The following IL3RA variants were observed in gnomAD, a reference collection of about 807,000 sequenced individuals.
IL3RA encodes interleukin-3 receptor subunit alpha.
IL3RA carries 73 observed loss-of-function variants against 52.3 expected under a neutral mutation model. That is an observed-to-expected ratio of 1.40 (90% CI 1.16 to 1.70). The LOEUF (loss-of-function observed/expected upper bound fraction) is 1.70. IL3RA is among the 40% of genes most tolerant of loss of function. IL3RA has a pLI of 0.00. For missense variants in IL3RA, 664 were observed against 504.4 expected (o/e 1.32, Z -3.03); for synonymous variants, 260 against 194.0 (o/e 1.34, Z -2.83).
At chrX:1,381,467 G>A (rs1490494913) in intron 11 of IL3RA, among the ~76,000 whole-genome samples, 2 of 152,122 alleles carry the variant, frequency 1.3e-5, no homozygotes, top group Non-Finnish European at 1.5e-5. Context: ...GAAGGGAGTG[G>A]GGGGACACTG....
chrX:1,381,174 G>A (rs1336825600), intron 11 of IL3RA, 70 bp downstream of exon 11: 22 of 1,405,266 alleles, frequency 1.6e-5, no homozygotes, highest in Middle Eastern at 1.8e-4. Context: ...CCAGGCGGGC[G>A]GACCACTTGA....
In IL3RA at chrX:1,344,239, G is replaced by T. The variant is rs775716892; in HGVS notation, c.65-1077G>T. Among the ~76,000 whole-genome samples the T allele has an allele frequency of 5.9e-5, 9 of 151,736 alleles. No homozygotes were observed. The South Asian group carries it at 8.4e-4, about 14-fold the overall frequency. On this transcript the variant is annotated intron_variant, in intron 2 of 11. Transcript: ENST00000331035. The stretch of plus-strand genomic sequence containing the variant: ...ATGTGAGGTTGGGAGTTCGAGACCA[G>T]CCTGGCCAACATGGTGAAACCCCAT...
chrX:1,343,435 C>T (rs1441631864), intron 2 of IL3RA, among the ~76,000 whole-genome samples: 9 of 151,726 alleles, frequency 5.9e-5, no homozygotes, highest in Admixed American at 2.6e-4. Context: ...GAGGCTGAGG[C>T]GGGTGGATCA....
In IL3RA at chrX:1,355,179, A is replaced by T. The variant is rs1467457357; in HGVS notation, c.617-1042A>T. On this transcript the variant is annotated intron_variant, in intron 6 of 11. Transcript: ENST00000331035. ...GGGAAGAAAAGGAGGGGGAGGAGGA[A>T]GGAGGGGGAGGAGGGTGGAGGGGGA... Among the ~76,000 whole-genome samples the T allele has an allele frequency of 1.3e-3, 8 of 6,006 alleles. 1 individual carries two copies. Among genetic ancestry groups the T allele is most frequent in the African/African-American group, 5.2e-3 (5 of 966 alleles). 3.9% of individuals were successfully genotyped at this position (6,006 alleles called of 152,430 possible). A position where few individuals can be genotyped will look rare whatever the true frequency, so the allele number is the denominator to read the frequency against.
chrX:1,351,004 C>T (rs1417723188), intron 4 of IL3RA, among the ~76,000 whole-genome samples: 12 of 152,000 alleles, frequency 7.9e-5, no homozygotes, highest in Non-Finnish European at 1.5e-4. Flanking sequence ...GTCAGGAATT[C>T]GCGACCAGTC....
intron 1 of IL3RA, among the ~76,000 whole-genome samples, chrX:1,338,084 T>C (rs1460668671): frequency 1.3e-5 from 2 of 151,402 alleles, no homozygotes; most frequent in African/African-American, 4.9e-5. Flanking sequence ...AGCAGCTTTA[T>C]TCACAATAGC....
At chrX:1,380,716 C>G (rs1265355412) in intron 10 of IL3RA, among the ~76,000 whole-genome samples, 1 of 149,130 alleles carries the variant, frequency 6.7e-6, no homozygotes, top group Admixed American at 6.7e-5. Context: ...GGGACGAGGC[C>G]CTTCCTGCAA....
intron 4 of IL3RA, 133 bp downstream of exon 4, chrX:1,348,678 CTT>C (rs368915677): frequency 0.063 from 30,059 of 474,406 alleles, 1,986 homozygotes; most frequent in Middle Eastern, 0.079. Flanking sequence ...TTCTTTCTTT[CTT>C]TCTTTCTTTC....
chrX:1,355,427 AGG>A (rs1385710695), intron 6 of IL3RA, among the ~76,000 whole-genome samples: 56 of 56,970 alleles, frequency 9.8e-4, no homozygotes, highest in Middle Eastern at 0.014. Flanking sequence ...GGAGGAGGGG[AGG>A]GGAGGGGAGG....
intron 6 of IL3RA, among the ~76,000 whole-genome samples, chrX:1,355,930 G>A (rs2086672571): frequency 6.6e-6 from 1 of 151,972 alleles, no homozygotes; most frequent in Non-Finnish European, 1.5e-5. Context: ...AAAGCTGAAC[G>A]CCTGGTACTT....
intron 2 of IL3RA, among the ~76,000 whole-genome samples, chrX:1,342,691 C>A (rs2148881169): frequency 6.6e-6 from 1 of 150,442 alleles, no homozygotes; most frequent in Non-Finnish European, 1.5e-5. Flanking sequence ...CTCCCAAGCA[C>A]CTGGGATTAC....
At chrX:1,349,285 G>A (rs1325268792) in intron 4 of IL3RA, among the ~76,000 whole-genome samples, 11 of 151,272 alleles carry the variant, frequency 7.3e-5, no homozygotes, top group South Asian at 4.2e-4. Context: ...GGGTTCAAGC[G>A]ATTCTCCTGC....
chrX:1,341,065 C>T (rs1475551438), intron 1 of IL3RA, among the ~76,000 whole-genome samples: 1 of 151,904 alleles, frequency 6.6e-6, no homozygotes, highest in Non-Finnish European at 1.5e-5. Context: ...TGCAGTGAGC[C>T]CAGATCACGC....
chrX:1,345,384 A>C lies in IL3RA; in HGVS notation c.133A>C (p.Arg45=), dbSNP rs1415745349. The change falls in exon 3 of 12, where the codon AGA becomes CGA. Residue 45 remains arginine, a synonymous_variant. Transcript: ENST00000331035. ...KAQQLTWDLN[R]NVTDIECVKD... is the part of the protein sequence containing the mutation. ...TCAGCAGTTGACCTGGGACCTTAACAGAAATGTGACCGATATCGAGTGTGT... is the reference window on the plus strand; with the variant it reads ...TCAGCAGTTGACCTGGGACCTTAACCGAAATGTGACCGATATCGAGTGTGT... The C allele has an allele frequency of 6.2e-7, 1 of 1,611,082 alleles. No individual in the cohort carries two copies. Among genetic ancestry groups the C allele is most frequent in the African/African-American group, 1.3e-5 (1 of 74,672 alleles).
Position 1,362,054 on chromosome X carries a change from G to GTC in IL3RA, c.760-3072_760-3071dup, listed in dbSNP as rs373817571. On this transcript the variant is annotated intron_variant, in intron 8 of 11. Coordinates refer to ENST00000331035, the MANE Select transcript of IL3RA (RefSeq NM_002183.4). Reference sequence around the variant, plus strand: ...CCTCTCTCTGTCTCTTTGTATCTCTGTCTCTCTCTCTCTGTCTCCGTTTCT... The same window carrying GTC: ...CCTCTCTCTGTCTCTTTGTATCTCTGTCTCTCTCTCTCTCTGTCTCCGTTTCT... 5.6e-3 allele frequency among the ~76,000 whole-genome samples: 848 copies of GTC among 150,524 alleles called. 9 individuals are homozygous for GTC. The highest frequency in any genetic ancestry group is 0.019 in the African/African-American group (786 of 40,872).
At chrX:1,352,841 C>G (rs1191919611) in intron 6 of IL3RA, among the ~76,000 whole-genome samples, 1 of 151,670 alleles carries the variant, frequency 6.6e-6, no homozygotes, top group Admixed American at 6.6e-5. Context: ...TGGGACCCCC[C>G]ATCATGGGTT....
intron 2 of IL3RA, among the ~76,000 whole-genome samples, chrX:1,345,006 C>CACAAA (rs2085672687): frequency 1.4e-5 from 2 of 138,732 alleles, no homozygotes; most frequent in Non-Finnish European, 3.1e-5. Context: ...ACTAAAAATA[C>CACAAA]AAAAAAAAAA....
At position 1,356,314 on chromosome X, in the gene IL3RA, G is replaced by A. The variant is rs761607926; in HGVS notation, c.710G>A (p.Arg237His). ...AGAAGTCATTTCAATCGCAAATTTC[G>A]CTATGAGCTTCAGATACAAAAGGTA... is the stretch of plus-strand genomic sequence containing the variant. ...KMRSHFNRKF[R>H]YELQIQKRMQ... The change falls in exon 7 of 12, where the codon CGC (arginine) becomes CAC (histidine). Residue 237 changes from arginine to histidine, a missense_variant. By Grantham distance (29) the Arg-to-His change is conservative (BLOSUM62 0). Transcript: ENST00000331035. The A allele has an allele frequency of 7.4e-6, 12 of 1,611,660 alleles. No homozygotes were observed. Among genetic ancestry groups the A allele is most frequent in the South Asian group, 1.1e-5 (1 of 91,042 alleles).
intron 9 of IL3RA, among the ~76,000 whole-genome samples, chrX:1,368,295 G>A (rs1330800332): frequency 6.6e-6 from 1 of 151,960 alleles, no homozygotes; most frequent in Non-Finnish European, 1.5e-5. Context: ...CCTCAGAGTA[G>A]AACTTCTGGC....
Sources: gnomAD v4.1 joint callset for allele counts (sites outside exome capture counted in the v4.1 genomes callset) on GRCh38, gnomAD v4.1.1 for gene constraint, MANE v1.5 for transcripts, NCBI Gene and HGNC (gene_info 2026-07-23, HGNC 2026-07-21) for gene names.